The following RABGAP1L variants were observed in gnomAD, a reference collection of about 807,000 sequenced individuals.
RABGAP1L encodes the protein rab GTPase-activating protein 1-like.
A neutral mutation model predicts 137.7 loss-of-function variants in RABGAP1L; 63 were observed. The observed-to-expected ratio is 0.46, with a 90% CI of 0.37 to 0.56. The LOEUF is 0.56. Ranked by LOEUF, RABGAP1L falls within the 20% of genes least tolerant of loss-of-function variation. RABGAP1L has a pLI of 0.00. For missense variants in RABGAP1L, 1,095 were observed against 1,244.0 expected (o/e 0.88, Z 1.80); for synonymous variants, 431 against 433.7 (o/e 0.99, Z 0.08).
In RABGAP1L at chr1:174,703,131, G is replaced by A. The variant is rs577237559; in HGVS notation, c.2169+875G>A. Among the ~76,000 whole-genome samples the A allele has an allele frequency of 3.3e-5, 5 of 152,006 alleles. No individual in the cohort carries two copies. In the South Asian group the frequency reaches 8.3e-4, roughly 25 times the overall value. On this transcript the variant is annotated intron_variant, in intron 17 of 25. Coordinates refer to ENST00000681986, the MANE Select transcript of RABGAP1L (RefSeq NM_001366446.1). ...ACATCCTTTAAAAAAAATTTTTTTT[G>A]TATAAATTTAAGGGGTACAAGTGAT...
At chr1:174,853,709 C>T (rs1231830) in intron 19 of RABGAP1L, among the ~76,000 whole-genome samples, 88,040 of 151,860 alleles carry the variant, frequency 0.58, 27,832 homozygotes, top group African/African-American at 0.85. Flanking sequence ...CCAGCCTGGG[C>T]GACAGAGCGA....
intron 12 of RABGAP1L, among the ~76,000 whole-genome samples, chr1:174,387,232 C>G (rs1571563248): frequency 6.6e-6 from 1 of 152,174 alleles, no homozygotes; most frequent in East Asian, 1.9e-4. Flanking sequence ...TCACTTCATT[C>G]ATTCATTCAT....
intron 13 of RABGAP1L, among the ~76,000 whole-genome samples, chr1:174,528,448 CA>C (rs1480976043): frequency 1.3e-5 from 2 of 150,478 alleles, no homozygotes; most frequent in Admixed American, 1.3e-4. Context: ...ACTTTTTCTT[CA>C]TTTTTTAAGG....
chr1:174,334,774 TAATA>T (rs1681328669), intron 11 of RABGAP1L, among the ~76,000 whole-genome samples: 1 of 152,160 alleles, frequency 6.6e-6, no homozygotes, highest in African/African-American at 2.4e-5. Flanking sequence ...GTATGAATAA[TAATA>T]AATGAATGAA....
chr1:174,169,260 C>T (rs1665152274), intron 1 of RABGAP1L, among the ~76,000 whole-genome samples: 2 of 151,780 alleles, frequency 1.3e-5, no homozygotes, highest in South Asian at 4.2e-4. Flanking sequence ...TGCTCTGTCG[C>T]CCAGGCTGGA....
At chr1:174,521,413 T>C (rs1663379473) in intron 13 of RABGAP1L, among the ~76,000 whole-genome samples, 1 of 152,238 alleles carries the variant, frequency 6.6e-6, no homozygotes, top group African/African-American at 2.4e-5. Context: ...TTTGGAAAGG[T>C]ACAGCTACAA....
chr1:174,957,958 AAG>A (rs1365193146), intron 20 of RABGAP1L: 11 of 1,571,526 alleles, frequency 7.0e-6, no homozygotes, highest in African/African-American at 2.8e-5. Context: ...AGCTGAGAGA[AAG>A]AGAGGGGAAA....
intron 19 of RABGAP1L, among the ~76,000 whole-genome samples, chr1:174,895,829 A>G (rs1657063249): frequency 6.6e-6 from 1 of 152,050 alleles, no homozygotes; most frequent in Admixed American, 6.5e-5. Flanking sequence ...CATTTTCTTA[A>G]TCCAGTCTTT....
chr1:174,807,474 G>T (rs539060345), intron 18 of RABGAP1L, among the ~76,000 whole-genome samples: 1 of 152,144 alleles, frequency 6.6e-6, no homozygotes, highest in Non-Finnish European at 1.5e-5. Context: ...TGATTGTAGA[G>T]GGAAAAACCT....
chr1:174,241,689 A>AC, intron 5 of RABGAP1L, 32 bp downstream of exon 5: 1 of 1,513,236 alleles, frequency 6.6e-7, no homozygotes, highest in Non-Finnish European at 9.0e-7. Flanking sequence ...AATTTGCTAT[A>AC]GAGATGAATT....
chr1:174,716,055 T>C (rs1309084666), intron 17 of RABGAP1L, among the ~76,000 whole-genome samples: 1 of 152,270 alleles, frequency 6.6e-6, no homozygotes. Context: ...ACATCATCTC[T>C]AGATAACTTA....
At chr1:174,660,544 C>T (rs1371333811) in intron 14 of RABGAP1L, among the ~76,000 whole-genome samples, 1 of 152,190 alleles carries the variant, frequency 6.6e-6, no homozygotes, top group Non-Finnish European at 1.5e-5. Flanking sequence ...TACCTGGTCA[C>T]CTTGCTTCCA....
chr1:174,470,068 C>T (rs1232427475), intron 13 of RABGAP1L, among the ~76,000 whole-genome samples: 1 of 152,144 alleles, frequency 6.6e-6, no homozygotes, highest in Non-Finnish European at 1.5e-5. Flanking sequence ...ATCAAATCCT[C>T]TCTACAGCCA....
chr1:174,887,618 G>A (rs999731115), intron 19 of RABGAP1L, among the ~76,000 whole-genome samples: 2 of 152,128 alleles, frequency 1.3e-5, no homozygotes, highest in Admixed American at 6.6e-5. Context: ...AACTTGGGGG[G>A]GGGGTCATGG....
intron 17 of RABGAP1L, among the ~76,000 whole-genome samples, chr1:174,723,173 C>G (rs944667420): frequency 6.6e-6 from 1 of 152,070 alleles, no homozygotes; most frequent in African/African-American, 2.4e-5. Context: ...CTCCTGGGTT[C>G]CAGTGATTCT....
At chr1:174,674,356 C>A (rs549119489) in intron 14 of RABGAP1L, among the ~76,000 whole-genome samples, 2 of 148,550 alleles carry the variant, frequency 1.3e-5, no homozygotes, top group African/African-American at 2.5e-5. Flanking sequence ...TTTGTCCTTG[C>A]GATAGTTTAC....
chr1:174,788,821 C>T (rs7538650), intron 18 of RABGAP1L, among the ~76,000 whole-genome samples: 75,471 of 151,960 alleles, frequency 0.5, 21,271 homozygotes, highest in East Asian at 0.71. Context: ...CAGTGATCCT[C>T]GTGCCTCAGC....
At chr1:174,311,045 C>T (rs1042077290) in intron 11 of RABGAP1L, among the ~76,000 whole-genome samples, 7 of 152,118 alleles carry the variant, frequency 4.6e-5, no homozygotes, top group African/African-American at 1.4e-4. Context: ...CCTCCCCCTG[C>T]AACCCATCAC....
chr1:174,414,641 G>A (rs1268688865), intron 13 of RABGAP1L, among the ~76,000 whole-genome samples: 2 of 151,926 alleles, frequency 1.3e-5, no homozygotes, highest in Non-Finnish European at 2.9e-5. Context: ...ATTGTCTGTG[G>A]CACTGTAATT....
Sources: gnomAD v4.1 joint callset for allele counts (sites outside exome capture counted in the v4.1 genomes callset) on GRCh38, gnomAD v4.1.1 for gene constraint, MANE v1.5 for transcripts, NCBI Gene and HGNC (gene_info 2026-07-23, HGNC 2026-07-21) for gene names.